The following ZNFX1 variants were observed in gnomAD, a reference collection of about 807,000 sequenced individuals.
ZNFX1 encodes NFX1-type zinc finger-containing protein 1.
In ZNFX1, 78 loss-of-function variants were observed where a neutral mutation model predicts 179.8. That is an observed-to-expected ratio of 0.43 (90% confidence interval 0.36 to 0.52). The LOEUF is 0.52. Ranked by LOEUF, ZNFX1 falls within the 20% of genes least tolerant of loss-of-function variation. The probability of loss-of-function intolerance (pLI) is 0.00; values close to 1 mark genes in which losing one functional copy is unlikely to be tolerated. For synonymous variants in ZNFX1, 848 were observed against 868.5 expected (o/e 0.98, Z 0.42); for missense variants, 1,927 against 2,386.6 (o/e 0.81, Z 4.01).
chr20:49,275,803 T>C lies in ZNFX1; in HGVS notation c.37A>G (p.Arg13Gly), dbSNP rs760114043. ...CCTCTGTGGTTGGTATGGGAATTCC[T>C]GGGCCTGGCATCCAGATGAGGTCTT... The part of the protein sequence containing the change: ...ERRPHLDARP[R>G]NSHTNHRGPV... Residue 13 changes from arginine to glycine, a missense_variant, in exon 2 of 14, where the codon AGG becomes GGG. Physicochemically the swap from Arg to Gly is moderately radical, Grantham distance 125. Transcript: ENST00000396105. 2 of 1,614,208 alleles carry C rather than the reference T, an allele frequency of 1.2e-6. No homozygotes were observed.
At chr20:49,256,144 G>A (rs1292935071) in intron 8 of ZNFX1, among the ~76,000 whole-genome samples, 197 bp from the exon 9 acceptor site, 1 of 152,146 alleles carries the variant, frequency 6.6e-6, no homozygotes, top group Non-Finnish European at 1.5e-5. Context: ...TGGCTTCAAA[G>A]CCCTACTCTA....
chr20:49,259,224 A>G (rs1453957764), intron 7 of ZNFX1, among the ~76,000 whole-genome samples: 2 of 152,056 alleles, frequency 1.3e-5, no homozygotes, highest in Non-Finnish European at 1.5e-5. Context: ...AATATGTAAT[A>G]TAAAGGATAA....
At position 49,248,712 on chromosome 20, in the gene ZNFX1, T is replaced by C. The variant is rs764182145; in HGVS notation, c.4312A>G (p.Ile1438Val). The change falls in exon 14 of 14, where the codon ATC (isoleucine) becomes GTC (valine). Residue 1438 changes from isoleucine (I) to valine (V), a missense_variant. By Grantham distance (29) the Ile-to-Val change is conservative (BLOSUM62 3). Coordinates refer to ENST00000396105, the MANE Select transcript of ZNFX1 (RefSeq NM_021035.3). This position sits in a 1 kb window ranked among gnomAD's most constrained non-coding sequence, Gnocchi z 4.6. Reference sequence around the variant, plus strand: ...GGGCAAGGATGCCCGCAGTCCAAGATAGTGCCACACTTTGTGGTACACTTG... The same window carrying C: ...GGGCAAGGATGCCCGCAGTCCAAGACAGTGCCACACTTTGTGGTACACTTG... ...LVKCTTKCGT[I>V]LDCGHPCPGS... 3.7e-6 allele frequency: 6 copies of C among 1,612,816 alleles called. No individual in the cohort carries two copies. Among genetic ancestry groups the C allele is most frequent in the South Asian group, 1.1e-5 (1 of 91,088 alleles).
At chr20:49,265,641 T>G (rs749741926) in intron 4 of ZNFX1, among the ~76,000 whole-genome samples, 1 of 152,332 alleles carries the variant, frequency 6.6e-6, no homozygotes, top group South Asian at 2.1e-4. Context: ...GAGTGCCTAA[T>G]ATGTGCCAGG....
At position 49,249,560 on chromosome 20, in the gene ZNFX1, G is replaced by T; in HGVS notation, c.3464C>A (p.Thr1155Asn). Residue 1155 changes from threonine to asparagine, a missense_variant, in exon 14 of 14, where the codon ACC (threonine) becomes AAC (asparagine). Coordinates refer to ENST00000396105, the MANE Select transcript of ZNFX1 (RefSeq NM_021035.3). ...CTGCCCGGTATAGGTAGTGAGGATG[G>T]TGATCTGGGAAGGCAGGTATTCCTG... ...LCQEYLPSQITILTTYTGQLF... is the reference protein window; with the variant it reads ...LCQEYLPSQINILTTYTGQLF... The T allele has an allele frequency of 6.2e-7, 1 of 1,614,254 alleles. No homozygotes were observed. The highest frequency in any genetic ancestry group is 8.5e-7 in the Non-Finnish European group (1 of 1,180,048).
At position 49,264,773 on chromosome 20, in the gene ZNFX1, C is replaced by T. The variant is rs61729994; in HGVS notation, c.2094G>A (p.Arg698=). The T allele has an allele frequency of 1.5e-4, 236 of 1,614,068 alleles. 1 individual carries two copies. The highest frequency in any genetic ancestry group is 3.3e-4 in the Middle Eastern group (2 of 6,070). The change falls in exon 5 of 14, where the codon AGG becomes AGA. Residue 698 remains arginine, a synonymous_variant. Coordinates refer to ENST00000396105, the MANE Select transcript of ZNFX1 (RefSeq NM_021035.3). ...ILKQFTLREL[R]NKREFRRNLP... is the part of the protein sequence containing the mutation. ...GGTTGCGGCGGAATTCCCGCTTGTTCCTCAGCTCCCTTAGGGTGAACTGCT... is the reference window on the plus strand; with the variant it reads ...GGTTGCGGCGGAATTCCCGCTTGTTTCTCAGCTCCCTTAGGGTGAACTGCT...
intron 7 of ZNFX1, among the ~76,000 whole-genome samples, chr20:49,258,921 T>C (rs1471731990): frequency 6.6e-6 from 1 of 151,844 alleles, no homozygotes; most frequent in Non-Finnish European, 1.5e-5. Flanking sequence ...CTGGCCAACA[T>C]GGGGAAACCC....
In ZNFX1 at chr20:49,270,112, G is replaced by T; in HGVS notation, c.1700C>A (p.Thr567Asn). Residue 567 changes from threonine (T) to asparagine (N), a missense_variant, in exon 3 of 14, where the codon ACT becomes AAT. Physicochemically the swap from Thr to Asn is moderately conservative, Grantham distance 65. Transcript: ENST00000396105. The surrounding 1 kb of genome is among the most constrained non-coding windows in gnomAD (Gnocchi z 4.6). ...CTCGACATTTCTTAGAAATTCCCCAGTGGCTGAAGGATTCTCTATTAAGGG... is the reference window on the plus strand; with the variant it reads ...CTCGACATTTCTTAGAAATTCCCCATTGGCTGAAGGATTCTCTATTAAGGG... Reference protein sequence around the residue: ...FTPLIENPSATGEFLRNVEGL... With the variant: ...FTPLIENPSANGEFLRNVEGL... 6.2e-7 allele frequency: 1 copy of T among 1,614,206 alleles called. No homozygotes were observed. Among genetic ancestry groups the T allele is most frequent in the South Asian group, 1.1e-5 (1 of 91,084 alleles).
chr20:49,255,724 C>T, intron 9 of ZNFX1, 84 bp downstream of exon 9: 14 of 1,458,180 alleles, frequency 9.6e-6, no homozygotes, highest in Admixed American at 2.2e-5. Context: ...TAGTTAACAT[C>T]GTTGAAGGTC....
chr20:49,262,337 C>T (rs923630786), intron 6 of ZNFX1, among the ~76,000 whole-genome samples: 2 of 143,356 alleles, frequency 1.4e-5, no homozygotes, highest in African/African-American at 2.6e-5. Context: ...ACCCGGGAGG[C>T]GGAGGTTGTA....
In ZNFX1 at chr20:49,247,851, A is replaced by G. The variant is rs373496302; in HGVS notation, c.5173T>C (p.Leu1725=). The change falls in exon 14 of 14, where the codon TTA becomes CTA. Residue 1725 remains leucine, a synonymous_variant. Transcript: ENST00000396105. ...LWDSLKKMHV[L]EEKRVRTRLE... ...CGAGTCCTCACTCTTTTCTCTTCTA[A>G]GACATGCATCTTTTTCAGGGAATCC... 1.0e-4 allele frequency: 166 copies of G among 1,613,986 alleles called. No homozygotes were observed. Among genetic ancestry groups the G allele is most frequent in the Non-Finnish European group, 1.4e-4 (163 of 1,180,030 alleles).
Position 49,249,350 on chromosome 20 carries a change from T to G in ZNFX1, c.3674A>C (p.Lys1225Thr), listed in dbSNP as rs1428460028. ...NRICVALSRA[K>T]KGMYCIGNMQ... is the part of the protein sequence containing the mutation. ...GTTTCCGATGCAGTACATTCCCTTC[T>G]TGGCTCGGGACAAGGCCACACAGAT... The change falls in exon 14 of 14, where the codon AAG becomes ACG. Residue 1225 changes from lysine to threonine, a missense_variant. Transcript: ENST00000396105. 1 of 1,614,120 alleles carries G rather than the reference T, an allele frequency of 6.2e-7. No homozygotes were observed. The highest frequency in any genetic ancestry group is 8.5e-7 in the Non-Finnish European group (1 of 1,180,050).
chr20:49,253,905 C>A, intron 10 of ZNFX1, 94 bp from the exon 11 acceptor site: 1 of 1,454,294 alleles, frequency 6.9e-7, no homozygotes. Flanking sequence ...TGTATCTTCC[C>A]TGAACCTGCA....
chr20:49,274,827 G>T (rs238189), intron 2 of ZNFX1, among the ~76,000 whole-genome samples: 101,797 of 151,800 alleles, frequency 0.67, 35,018 homozygotes, highest in Non-Finnish European at 0.76. Flanking sequence ...GATGTTTCTA[G>T]AAAATAAAAA....
At chr20:49,275,290 T>G (rs1431360571) in intron 2 of ZNFX1, among the ~76,000 whole-genome samples, 1 of 152,114 alleles carries the variant, frequency 6.6e-6, no homozygotes, top group Non-Finnish European at 1.5e-5. Flanking sequence ...AGTGGAGGGT[T>G]GGCTGTTTTT....
chr20:49,260,374 A>T, intron 7 of ZNFX1, 89 bp downstream of exon 7: 1 of 760,478 alleles, frequency 1.3e-6, no homozygotes, highest in Non-Finnish European at 2.0e-6. Context: ...CTCTTTATTT[A>T]TTCTGGGAAT....
Position 49,249,719 on chromosome 20 carries a change from G to A in ZNFX1, c.3313-8C>T, listed in dbSNP as rs1980790071. 3 of 1,601,750 alleles carry A rather than the reference G, an allele frequency of 1.9e-6. No individual in the cohort carries two copies. Among genetic ancestry groups the A allele is most frequent in the Non-Finnish European group, 2.6e-6 (3 of 1,172,784 alleles). The stretch of plus-strand genomic sequence containing the variant: ...AAGGTTGGAAGACACCCCCTGACAG[G>A]GAAAAGAAGTGACATGTTAAAAGGT... On this transcript the variant is annotated splice_polypyrimidine_tract_variant and splice_region_variant and intron_variant, in intron 13 of 13. Transcript: ENST00000396105.
At chr20:49,269,052 C>A (rs1049645344) in intron 3 of ZNFX1, among the ~76,000 whole-genome samples, 1 of 152,212 alleles carries the variant, frequency 6.6e-6, no homozygotes, top group Non-Finnish European at 1.5e-5. Flanking sequence ...AAGACACATG[C>A]ATATGCATGT....
At position 49,246,776 on chromosome 20, in the gene ZNFX1, T is replaced by TA. The variant is rs1980682126; in HGVS notation, c.*490dup. 4.5e-6 allele frequency: 2 copies of TA among 442,138 alleles called. No individual in the cohort carries two copies. The highest frequency in any genetic ancestry group is 9.0e-6 in the Non-Finnish European group (2 of 221,890). The allele number at this position is 442,138 out of a possible 1,614,324, so 27.4% of individuals were successfully genotyped here. On this transcript the variant is annotated 3_prime_UTR_variant, in exon 14 of 14. Transcript: ENST00000396105. Reference sequence around the variant, plus strand: ...TTAACTTTGCTCTCAGTTCTGGAGATAAAGTGCTTACTCTAGCGCAGGGGT... The same window carrying TA: ...TTAACTTTGCTCTCAGTTCTGGAGATAAAAGTGCTTACTCTAGCGCAGGGGT...
Sources: gnomAD v4.1 joint callset for allele counts (sites outside exome capture counted in the v4.1 genomes callset) on GRCh38, gnomAD v4.1.1 for gene constraint, Gnocchi (gnomAD v3.1) non-coding constraint, MANE v1.5 for transcripts, NCBI Gene and HGNC (gene_info 2026-07-23, HGNC 2026-07-21) for gene names.